AP3B1: variants seen among roughly 807,000 people sequenced by gnomAD.
AP3B1 encodes the protein adaptor related protein complex 3 subunit beta 1.
A neutral mutation model predicts 132.5 loss-of-function variants in AP3B1; 61 were observed. That is an observed-to-expected ratio of 0.46 (90% confidence interval 0.37 to 0.57). AP3B1 has a LOEUF of 0.57. AP3B1 is among the 20% of genes least tolerant of loss of function. The pLI is 0.00. For synonymous variants in AP3B1, 388 were observed against 438.3 expected (o/e 0.89, Z 1.43); for missense variants, 1,120 against 1,289.4 (o/e 0.87, Z 2.01).
At chr5:78,004,938 C>G (rs186889217) in intron 26 of AP3B1, among the ~76,000 whole-genome samples, 1 of 152,304 alleles carries the variant, frequency 6.6e-6, no homozygotes, top group East Asian at 1.9e-4. Flanking sequence ...TCAATTTCAT[C>G]TTTGAGAAAC....
intron 1 of AP3B1, among the ~76,000 whole-genome samples, chr5:78,272,770 C>A (rs944977367): frequency 6.6e-6 from 1 of 152,094 alleles, no homozygotes; most frequent in Non-Finnish European, 1.5e-5. Flanking sequence ...ATGCAGATAT[C>A]ATGGGGAGCA....
In AP3B1 at chr5:78,114,358, A is replaced by T. The variant is rs573326165; in HGVS notation, c.2078-435T>A. On this transcript the variant is annotated intron_variant, in intron 18 of 26. Transcript: ENST00000255194. ...AAGGCAACAGTTGAATCTTCTTAGGAACAAATTTTGAGAGGAAAATGAGCC... is the reference window on the plus strand; with the variant it reads ...AAGGCAACAGTTGAATCTTCTTAGGTACAAATTTTGAGAGGAAAATGAGCC... Among the ~76,000 whole-genome samples, 472 of 152,266 alleles carry T rather than the reference A, an allele frequency of 3.1e-3. 1 individual carries two copies. The highest frequency in any genetic ancestry group is 0.011 in the African/African-American group (442 of 41,558).
intron 17 of AP3B1, among the ~76,000 whole-genome samples, chr5:78,123,733 C>T (rs994237135): frequency 6.6e-6 from 1 of 151,392 alleles, no homozygotes; most frequent in African/African-American, 2.4e-5. Context: ...AATAGGAACA[C>T]TTTTACACTG....
At chr5:78,111,909 C>T (rs1348527516) in intron 19 of AP3B1, among the ~76,000 whole-genome samples, 2 of 152,088 alleles carry the variant, frequency 1.3e-5, no homozygotes, top group Non-Finnish European at 2.9e-5. Context: ...CTCAAGGGCA[C>T]ATAACAAGAG....
intron 17 of AP3B1, chr5:78,121,591 C>G (rs1334823476): frequency 6.6e-6 from 1 of 152,186 alleles, no homozygotes; most frequent in Admixed American, 6.5e-5. Context: ...ACTAGAAAAT[C>G]TAGAAGAAAT....
chr5:78,278,615 AAAAAAAAAAAGG>A (rs1290257910), intron 1 of AP3B1, among the ~76,000 whole-genome samples: 1 of 77,966 alleles, frequency 1.3e-5, no homozygotes, highest in African/African-American at 3.6e-5. Flanking sequence ...AAAAAAAAAA[AAAAAAAAAAAGG>A]GGGGGGGGGA....
intron 7 of AP3B1, among the ~76,000 whole-genome samples, chr5:78,212,787 A>T (rs975883530): frequency 7.2e-5 from 11 of 152,212 alleles, no homozygotes; most frequent in African/African-American, 2.2e-4. Flanking sequence ...AACATCACAT[A>T]AGAAAGAGCA....
chr5:78,140,151 AG>A (rs748188585), intron 15 of AP3B1, among the ~76,000 whole-genome samples: 2 of 152,186 alleles, frequency 1.3e-5, no homozygotes, highest in Non-Finnish European at 2.9e-5. Context: ...CGTACATGGA[AG>A]CAAAAATGAT....
chr5:78,126,406 A>G (rs746659304), intron 17 of AP3B1, among the ~76,000 whole-genome samples: 3 of 151,048 alleles, frequency 2.0e-5, no homozygotes, highest in Non-Finnish European at 4.4e-5. Flanking sequence ...TTGGGAAGCT[A>G]ACGCAGGAGA....
At chr5:78,029,779 G>A (rs989814341) in intron 24 of AP3B1, among the ~76,000 whole-genome samples, 1 of 152,088 alleles carries the variant, frequency 6.6e-6, no homozygotes, top group African/African-American at 2.4e-5. Context: ...TGGGATAACA[G>A]GTATAAGCCA....
At chr5:78,085,524 C>T (rs1750205160) in intron 22 of AP3B1, among the ~76,000 whole-genome samples, 1 of 152,168 alleles carries the variant, frequency 6.6e-6, no homozygotes, top group Non-Finnish European at 1.5e-5. Flanking sequence ...ACCCCAGAAG[C>T]TACTCTTGTA....
At chr5:78,169,285 C>T (rs1396866010) in intron 11 of AP3B1, among the ~76,000 whole-genome samples, 1 of 152,162 alleles carries the variant, frequency 6.6e-6, no homozygotes, top group African/African-American at 2.4e-5. Context: ...CTTCGACCTC[C>T]CAATCAACCT....
intron 22 of AP3B1, among the ~76,000 whole-genome samples, chr5:78,061,964 T>C (rs917217860): frequency 6.6e-6 from 1 of 152,246 alleles, no homozygotes; most frequent in Non-Finnish European, 1.5e-5. Flanking sequence ...TGCTAGCTAC[T>C]GCACCTGTAT....
chr5:78,245,397 T>C (rs1747338285), intron 2 of AP3B1, among the ~76,000 whole-genome samples: 1 of 152,070 alleles, frequency 6.6e-6, no homozygotes, highest in African/African-American at 2.4e-5. Context: ...TTCAAAGGAG[T>C]GTCTTTCTCC....
chr5:78,122,241 T>A (rs982488652), intron 17 of AP3B1, among the ~76,000 whole-genome samples: 4 of 152,232 alleles, frequency 2.6e-5, no homozygotes, highest in African/African-American at 9.6e-5. Context: ...GCCAATATCA[T>A]ACAGCATGGG....
chr5:78,181,475 G>A, intron 8 of AP3B1, 32 bp downstream of exon 8: 1 of 1,601,514 alleles, frequency 6.2e-7, no homozygotes, highest in South Asian at 1.1e-5. Context: ...TTAAAAACCA[G>A]TGAATTATTT....
At chr5:78,007,848 T>C (rs993432132) in intron 26 of AP3B1, among the ~76,000 whole-genome samples, 3 of 152,178 alleles carry the variant, frequency 2.0e-5, no homozygotes, top group African/African-American at 7.2e-5. Context: ...AAAAAAAGCA[T>C]TTACACGTGA....
At chr5:78,246,008 G>GT (rs1747364975) in intron 2 of AP3B1, among the ~76,000 whole-genome samples, 4 of 152,274 alleles carry the variant, frequency 2.6e-5, no homozygotes, top group Middle Eastern at 3.4e-3. Flanking sequence ...AAGTTGAGGA[G>GT]ATAACATAAG....
chr5:78,288,790 C>T (rs1050916890), intron 1 of AP3B1, among the ~76,000 whole-genome samples: 13 of 151,880 alleles, frequency 8.6e-5, no homozygotes, highest in African/African-American at 2.7e-4. Context: ...AATGTGTGAA[C>T]GATTTATCTA....
Sources: gnomAD v4.1 joint callset for allele counts (sites outside exome capture counted in the v4.1 genomes callset) on GRCh38, gnomAD v4.1.1 for gene constraint, MANE v1.5 for transcripts, NCBI Gene and HGNC (gene_info 2026-07-23, HGNC 2026-07-21) for gene names.